Variants in SPATS2L observed in about 807,000 individuals in gnomAD.
The protein encoded by SPATS2L is spermatogenesis associated serine rich 2 like.
A neutral mutation model predicts 59.6 loss-of-function variants in SPATS2L; 30 were observed. The ratio of observed to expected loss-of-function variants is 0.50; its 90% confidence interval spans 0.38 to 0.68. The LOEUF is 0.68. Among genes scored for constraint, SPATS2L ranks in the 30% least tolerant of loss-of-function variants. SPATS2L has a pLI of 0.00. For missense variants in SPATS2L, 615 were observed against 700.0 expected (o/e 0.88, Z 1.37); for synonymous variants, 252 against 263.5 (o/e 0.96, Z 0.42).
At chr2:200,325,842 T>A (rs752432435) in intron 1 of SPATS2L, among the ~76,000 whole-genome samples, 2 of 152,174 alleles carry the variant, frequency 1.3e-5, no homozygotes, top group Non-Finnish European at 2.9e-5. Context: ...ATGCATCAGT[T>A]TATAAACACC....
intron 12 of SPATS2L, 32 bp downstream of exon 12, chr2:200,473,084 A>G (rs748634889): frequency 2.3e-4 from 120 of 511,616 alleles, no homozygotes; most frequent in African/African-American, 7.3e-4. Context: ...GTGCCAGAGG[A>G]AAAAAAAAAA....
At chr2:200,324,286 G>A (rs190305768) in intron 1 of SPATS2L, among the ~76,000 whole-genome samples, 2 of 152,154 alleles carry the variant, frequency 1.3e-5, no homozygotes, top group Non-Finnish European at 2.9e-5. Flanking sequence ...AGTTCCTGAG[G>A]GATGTAAGTG....
chr2:200,395,450 A>G (rs1377333071), intron 3 of SPATS2L, among the ~76,000 whole-genome samples: 1 of 152,192 alleles, frequency 6.6e-6, no homozygotes, highest in African/African-American at 2.4e-5. Flanking sequence ...GATCTCCAAC[A>G]AGGTAAGGCT....
At chr2:200,322,712 C>T (rs2079605024) in intron 1 of SPATS2L, among the ~76,000 whole-genome samples, 1 of 152,088 alleles carries the variant, frequency 6.6e-6, no homozygotes, top group Non-Finnish European at 1.5e-5. Context: ...CCAGTCAGTA[C>T]CTAACACACA....
intron 5 of SPATS2L, among the ~76,000 whole-genome samples, chr2:200,417,165 A>G (rs1308862619): frequency 6.6e-6 from 1 of 152,098 alleles, no homozygotes; most frequent in African/African-American, 2.4e-5. Context: ...TGTGTTTCGG[A>G]TTTCCCAGGA....
chr2:200,351,119 T>C, intron 2 of SPATS2L: 1 of 398,170 alleles, frequency 2.5e-6, no homozygotes, highest in Non-Finnish European at 5.2e-6. Context: ...GTTTTGAAAA[T>C]GAAATGCACC....
rs1250926031 is a variant in SPATS2L, at chr2:200,479,050, G to T, written c.*1019G>T. 1 of 152,400 alleles carries T rather than the reference G, an allele frequency of 6.6e-6. No individual in the cohort carries two copies. The highest frequency in any genetic ancestry group is 2.4e-5 in the African/African-American group (1 of 41,434). 9.4% of individuals were successfully genotyped at this position (152,400 alleles called of 1,614,324 possible). Reference sequence around the variant, plus strand: ...TCCGAGTAGCTGGGATTACAGGCATGTGCCACCACGCCCTGCTAATTTTTA... The same window carrying T: ...TCCGAGTAGCTGGGATTACAGGCATTTGCCACCACGCCCTGCTAATTTTTA... On this transcript the variant is annotated 3_prime_UTR_variant, in exon 13 of 13. Coordinates refer to ENST00000409140, the MANE Select transcript of SPATS2L (RefSeq NM_001100423.2).
At chr2:200,325,361 T>C (rs1407338663) in intron 1 of SPATS2L, among the ~76,000 whole-genome samples, 6 of 152,146 alleles carry the variant, frequency 3.9e-5, no homozygotes, top group African/African-American at 7.2e-5. Context: ...TCCAAGATTC[T>C]TGGACTGTAG....
rs1036002148 is a variant in SPATS2L, at chr2:200,306,782, G to A, written c.-213G>A. Reference sequence around the variant, plus strand: ...GGCAGCGCGGGGCGAGCTCCGGACGGCGCGCGGCCCAGGCAGCGGCTCCCG... The same window carrying A: ...GGCAGCGCGGGGCGAGCTCCGGACGACGCGCGGCCCAGGCAGCGGCTCCCG... On this transcript the variant is annotated 5_prime_UTR_variant, in exon 1 of 13. Transcript: ENST00000409140. 5 of 981,602 alleles carry A rather than the reference G, an allele frequency of 5.1e-6. No individual in the cohort carries two copies. The highest frequency in any genetic ancestry group is 1.8e-5 in the African/African-American group (1 of 56,872). 60.8% of individuals were successfully genotyped at this position (981,602 alleles called of 1,614,324 possible). A position where few individuals can be genotyped will look rare whatever the true frequency, so the allele number is the denominator to read the frequency against.
chr2:200,433,284 C>CTT (rs1398469733), intron 6 of SPATS2L, among the ~76,000 whole-genome samples: 1 of 151,990 alleles, frequency 6.6e-6, no homozygotes, highest in African/African-American at 2.4e-5. Context: ...GATTAAAAAT[C>CTT]AGTAAGAACA....
rs1651293034 is a variant in SPATS2L, at chr2:200,387,606, A to G, written c.-22-1617A>G. Among the ~76,000 whole-genome samples the G allele has an allele frequency of 3.3e-5, 5 of 152,222 alleles. No homozygotes were observed. In the South Asian group the frequency reaches 1.0e-3, roughly 32 times the overall value. ...TGAATTTATGCTTTATTTAAGACGT[A>G]AGTGTAAAAGAAAATAGTGGGGAAG... On this transcript the variant is annotated intron_variant, in intron 2 of 12. Transcript: ENST00000409140.
chr2:200,465,616 G>T (rs2086536999), intron 9 of SPATS2L, among the ~76,000 whole-genome samples: 3 of 152,208 alleles, frequency 2.0e-5, no homozygotes, highest in Admixed American at 1.3e-4. Flanking sequence ...TTGTAAATGG[G>T]GGCTAGGGGG....
intron 2 of SPATS2L, among the ~76,000 whole-genome samples, chr2:200,353,064 A>G (rs899776628): frequency 1.3e-4 from 20 of 152,192 alleles, no homozygotes; most frequent in African/African-American, 4.6e-4. Context: ...CTGAGAAAGG[A>G]TACTCTGGTA....
rs565954548 is a variant in SPATS2L at position 200,404,282 on chromosome 2, G to GA, written c.40-8026dup. ...AGGAGGCCTTTTCCAGAGTCCAGGT[G>GA]AAAGATAGGGGAACCTGTCTGGGTT... On this transcript the variant is annotated intron_variant, in intron 3 of 12. Coordinates refer to ENST00000409140, the MANE Select transcript of SPATS2L (RefSeq NM_001100423.2). 1.8e-3 allele frequency among the ~76,000 whole-genome samples: 280 copies of GA among 152,364 alleles called. 1 individual carries two copies. The highest frequency in any genetic ancestry group is 3.0e-3 in the Admixed American group (46 of 15,298).
intron 1 of SPATS2L, among the ~76,000 whole-genome samples, chr2:200,324,570 A>G (rs2079671245): frequency 6.6e-6 from 1 of 152,190 alleles, no homozygotes; most frequent in South Asian, 2.1e-4. Context: ...GCACTGTGAG[A>G]GGAACAAAGG....
chr2:200,334,646 G>A lies in SPATS2L; in HGVS notation c.-23+5166G>A, dbSNP rs2080077533. Among the ~76,000 whole-genome samples, 3 of 151,714 alleles carry A rather than the reference G, an allele frequency of 2.0e-5. No individual in the cohort carries two copies. In the South Asian group the frequency reaches 6.3e-4, roughly 32 times the overall value. ...TCTTCTAGGGTTTTTATGGTTTTAGGTCTAACATTTAAGTCTTTAATCCAT... is the reference window on the plus strand; with the variant it reads ...TCTTCTAGGGTTTTTATGGTTTTAGATCTAACATTTAAGTCTTTAATCCAT... On this transcript the variant is annotated intron_variant, in intron 2 of 12. Transcript: ENST00000409140.
chr2:200,377,577 T>TG (rs1316517625), intron 2 of SPATS2L, among the ~76,000 whole-genome samples: 1 of 151,994 alleles, frequency 6.6e-6, no homozygotes, highest in Non-Finnish European at 1.5e-5. Flanking sequence ...TGTGTGTAGA[T>TG]GGAGCAGGTC....
chr2:200,475,451 G>A (rs1000001328), intron 12 of SPATS2L, among the ~76,000 whole-genome samples: 18 of 152,158 alleles, frequency 1.2e-4, no homozygotes, highest in Admixed American at 1.1e-3. Context: ...AGGCAAAGGC[G>A]GACAACTGGG....
At chr2:200,394,486 A>G (rs2082270337) in intron 3 of SPATS2L, among the ~76,000 whole-genome samples, 1 of 152,164 alleles carries the variant, frequency 6.6e-6, no homozygotes, top group Admixed American at 6.5e-5. Flanking sequence ...CTGTCTCCCC[A>G]TGTGAGACTG....
Sources: gnomAD v4.1 joint callset for allele counts (sites outside exome capture counted in the v4.1 genomes callset) on GRCh38, gnomAD v4.1.1 for gene constraint, MANE v1.5 for transcripts, NCBI Gene and HGNC (gene_info 2026-07-23, HGNC 2026-07-21) for gene names.